Variants in PLEKHA7 observed in about 807,000 individuals in gnomAD.
PLEKHA7 encodes the protein pleckstrin homology domain containing A7.
A neutral mutation model predicts 170.0 loss-of-function variants in PLEKHA7; 104 were observed. The ratio of observed to expected loss-of-function variants is 0.61; its 90% CI spans 0.52 to 0.72. The LOEUF is 0.72. PLEKHA7 is among the 30% of genes least tolerant of loss of function. PLEKHA7 has a pLI of 0.00. For synonymous variants in PLEKHA7, 648 were observed against 660.8 expected (o/e 0.98, Z 0.30); for missense variants, 1,615 against 1,671.7 (o/e 0.97, Z 0.59).
chr11:16,914,979 C>G (rs1858529741), intron 3 of PLEKHA7, among the ~76,000 whole-genome samples: 1 of 152,152 alleles, frequency 6.6e-6, no homozygotes, highest in African/African-American at 2.4e-5. Context: ...GACTTATACC[C>G]CACTCCCAGT....
intron 3 of PLEKHA7, among the ~76,000 whole-genome samples, chr11:16,938,025 T>C (rs1006851921): frequency 6.6e-6 from 1 of 151,816 alleles, no homozygotes; most frequent in Non-Finnish European, 1.5e-5. Context: ...ACCCTTAATG[T>C]GAGTGCCTTC....
rs539206263 is a variant in PLEKHA7 at position 16,955,753 on chromosome 11, G to GA, written c.221+58235dup. On this transcript the variant is annotated intron_variant, in intron 3 of 26. Transcript: ENST00000531066. ...AAAGCTCTAGAATGGGGGCTTGGGG[G>GA]AAAATGGGATTTTAAGTTCAGTTCT... is the stretch of plus-strand genomic sequence containing the variant. Among the ~76,000 whole-genome samples the GA allele has an allele frequency of 3.6e-4, 55 of 152,296 alleles. No homozygotes were observed. The East Asian group carries it at 0.01, about 29-fold the overall frequency.
At chr11:16,790,959 C>T (rs765554127) in intron 20 of PLEKHA7, 44 bp from the exon 21 acceptor site, 3 of 1,613,784 alleles carry the variant, frequency 1.9e-6, no homozygotes, top group Non-Finnish European at 2.5e-6. Flanking sequence ...AGTGTCACAC[C>T]CCTTTACCTC....
chr11:16,910,928 T>G (rs1858203038), intron 3 of PLEKHA7, among the ~76,000 whole-genome samples: 1 of 152,354 alleles, frequency 6.6e-6, no homozygotes, highest in East Asian at 1.9e-4. Context: ...TGTGTGATCC[T>G]GGGCAAGTCA....
chr11:16,998,640 T>C (rs1864480708), intron 3 of PLEKHA7, among the ~76,000 whole-genome samples: 2 of 152,212 alleles, frequency 1.3e-5, no homozygotes, highest in East Asian at 1.9e-4. Flanking sequence ...GCTGGAAAAG[T>C]TGAAGCAAAA....
intron 3 of PLEKHA7, among the ~76,000 whole-genome samples, chr11:16,964,107 G>A (rs1862228501): frequency 6.6e-6 from 1 of 152,182 alleles, no homozygotes; most frequent in Admixed American, 6.5e-5. Flanking sequence ...TCAGCATGAT[G>A]TCTTTGAAGT....
chr11:16,871,255 C>G (rs1228641964), intron 3 of PLEKHA7, 73 bp from the exon 4 acceptor site: 1 of 1,199,592 alleles, frequency 8.3e-7, no homozygotes, highest in Admixed American at 1.7e-5. Flanking sequence ...GGTCAGTCAG[C>G]AATGTCTGGT....
intron 3 of PLEKHA7, among the ~76,000 whole-genome samples, chr11:16,996,674 T>C (rs1020660548): frequency 6.6e-6 from 1 of 152,104 alleles, no homozygotes; most frequent in African/African-American, 2.4e-5. Context: ...CAGTGGCTCA[T>C]GCCTGTAATC....
rs1171628090 is a variant in PLEKHA7 at position 16,789,881 on chromosome 11, T to C, written c.3053-3A>G. ...CCTTGACGTGGACCCTGAGAGCCCT[T>C]AGTGAGGAAAGAGAAGTGCAAGCAT... On this transcript the variant is annotated splice_polypyrimidine_tract_variant and splice_region_variant and intron_variant, in intron 21 of 26. Coordinates refer to ENST00000531066, the MANE Select transcript of PLEKHA7 (RefSeq NM_001329630.2). This position sits in a 1 kb window ranked among gnomAD's most constrained non-coding sequence, Gnocchi z 4.6. 1 of 1,613,092 alleles carries C rather than the reference T, an allele frequency of 6.2e-7. No homozygotes were observed. Among genetic ancestry groups the C allele is most frequent in the Non-Finnish European group, 8.5e-7 (1 of 1,179,226 alleles).
chr11:16,861,753 C>A (rs1314913348), intron 4 of PLEKHA7, among the ~76,000 whole-genome samples: 1 of 152,090 alleles, frequency 6.6e-6, no homozygotes, highest in Non-Finnish European at 1.5e-5. Context: ...ACCTTTATCC[C>A]ATTAATTCCT....
At chr11:16,836,534 C>T (rs1590277244) in intron 9 of PLEKHA7, among the ~76,000 whole-genome samples, 1 of 152,366 alleles carries the variant, frequency 6.6e-6, no homozygotes, top group African/African-American at 2.4e-5. Flanking sequence ...ACTGTTGGGG[C>T]CACCCACTTA....
intron 3 of PLEKHA7, among the ~76,000 whole-genome samples, chr11:16,875,887 T>A (rs781304038): frequency 3.4e-4 from 52 of 152,138 alleles, no homozygotes; most frequent in Non-Finnish European, 6.5e-4. Flanking sequence ...AGGTTAGGTA[T>A]CACCACACCA....
In PLEKHA7 at chr11:16,867,014, G is replaced by A. The variant is rs371144448; in HGVS notation, c.305+4085C>T. Among the ~76,000 whole-genome samples the A allele has an allele frequency of 5.9e-5, 9 of 151,914 alleles. No individual in the cohort carries two copies. The South Asian group carries it at 1.9e-3, about 32-fold the overall frequency. ...CTTTTCTTTTATTCCCATAGAAGAA[G>A]AAACTCAAGATTATGTGACTAAAAT... On this transcript the variant is annotated intron_variant, in intron 4 of 26. Transcript: ENST00000531066.
At chr11:16,829,012 CT>C (rs775847219) in intron 9 of PLEKHA7, among the ~76,000 whole-genome samples, 17 of 149,842 alleles carry the variant, frequency 1.1e-4, no homozygotes, top group African/African-American at 2.4e-4. Flanking sequence ...TAAATTCCTT[CT>C]TTTTTTTTTC....
intron 13 of PLEKHA7, among the ~76,000 whole-genome samples, chr11:16,806,061 A>G (rs1848962449): frequency 6.6e-6 from 1 of 152,112 alleles, no homozygotes; most frequent in African/African-American, 2.4e-5. Context: ...GACTGTGGAG[A>G]TGGATGCCTT....
chr11:16,976,388 C>T (rs915568686), intron 3 of PLEKHA7, among the ~76,000 whole-genome samples: 1 of 152,228 alleles, frequency 6.6e-6, no homozygotes, highest in Non-Finnish European at 1.5e-5. Flanking sequence ...TAATAGTCTA[C>T]CCTATTCCCC....
intron 3 of PLEKHA7, among the ~76,000 whole-genome samples, chr11:16,904,151 G>T (rs984920109): frequency 6.6e-6 from 1 of 152,154 alleles, no homozygotes; most frequent in Non-Finnish European, 1.5e-5. Flanking sequence ...TAAAACATTT[G>T]TTATTCTTAC....
intron 3 of PLEKHA7, among the ~76,000 whole-genome samples, chr11:16,943,790 G>C (rs1860844126): frequency 6.6e-6 from 1 of 152,086 alleles, no homozygotes; most frequent in Non-Finnish European, 1.5e-5. Context: ...AGATCATCCA[G>C]GCAGACAGAG....
At chr11:16,784,090 T>G (rs1564900519) in intron 24 of PLEKHA7, among the ~76,000 whole-genome samples, 1 of 152,138 alleles carries the variant, frequency 6.6e-6, no homozygotes, top group African/African-American at 2.4e-5. Context: ...ATAACTAGAC[T>G]ACAAGCTCTC....
Sources: allele counts gnomAD v4.1 joint callset (sites outside exome capture counted in the v4.1 genomes callset), GRCh38; gene constraint gnomAD v4.1.1; non-coding constraint Gnocchi (gnomAD v3.1); transcripts MANE v1.5; gene names NCBI Gene and HGNC (gene_info 2026-07-23, HGNC 2026-07-21).